CMIP: variants seen among roughly 807,000 people sequenced by gnomAD.
The protein encoded by CMIP is C-Maf-inducing protein.
In CMIP, 13 loss-of-function variants were observed where a neutral mutation model predicts 97.3. That is an observed-to-expected ratio of 0.13 (90% CI 0.09 to 0.21). CMIP has a LOEUF of 0.21. Among genes scored for constraint, CMIP ranks in the 10% least tolerant of loss-of-function variants. The pLI is 1.00. For synonymous variants in CMIP, 538 were observed against 436.3 expected (o/e 1.23, Z -2.91); for missense variants, 847 against 1,024.9 (o/e 0.83, Z 2.37).
chr16:81,515,837 A>G (rs77104454), intron 1 of CMIP, among the ~76,000 whole-genome samples: 2,648 of 152,184 alleles, frequency 0.017, 38 homozygotes, highest in Middle Eastern at 0.034. Context: ...AGGAGCTGCT[A>G]GGAGGTTGGA....
intron 1 of CMIP, among the ~76,000 whole-genome samples, chr16:81,465,233 G>A (rs943268045): frequency 2.6e-5 from 4 of 152,224 alleles, no homozygotes; most frequent in African/African-American, 9.6e-5. Context: ...TTTGTAGGGT[G>A]TTCATTTGCA....
chr16:81,634,001 C>G (rs1218470394), intron 3 of CMIP, among the ~76,000 whole-genome samples: 1 of 152,184 alleles, frequency 6.6e-6, no homozygotes, highest in Non-Finnish European at 1.5e-5. Flanking sequence ...CACTGCAGAC[C>G]CAGGGATTTT....
At chr16:81,664,174 C>A in intron 6 of CMIP, 95 bp from the exon 7 acceptor site, 1 of 1,213,656 alleles carries the variant, frequency 8.2e-7, no homozygotes, top group Middle Eastern at 2.0e-4. Flanking sequence ...CAGGCACCCA[C>A]AGCTGGGCTG....
intron 3 of CMIP, among the ~76,000 whole-genome samples, chr16:81,650,908 C>T (rs1012146280): frequency 1.3e-5 from 2 of 152,130 alleles, no homozygotes; most frequent in Non-Finnish European, 2.9e-5. Flanking sequence ...TGTGCCTCAC[C>T]GACAGAAGTA....
Position 81,528,953 on chromosome 16 carries a change from G to A in CMIP, c.301-78614G>A, listed in dbSNP as rs555728235. The stretch of plus-strand genomic sequence containing the variant: ...TGCCTACCAGTCCATGCACCCACCC[G>A]TCCATCCACCCACCCATCCCTCCAT... On this transcript the variant is annotated intron_variant, in intron 1 of 20. Transcript: ENST00000537098. Among the ~76,000 whole-genome samples, 74 of 151,316 alleles carry A rather than the reference G, an allele frequency of 4.9e-4. No individual in the cohort carries two copies. The South Asian group carries it at 0.011, about 22-fold the overall frequency.
chr16:81,654,463 A>G (rs1226324459), intron 4 of CMIP, among the ~76,000 whole-genome samples: 2 of 152,224 alleles, frequency 1.3e-5, no homozygotes, highest in African/African-American at 4.8e-5. Flanking sequence ...GAATAAAGAT[A>G]TTTAAAGTAG....
Position 81,711,400 on chromosome 16 carries a change from G to C in CMIP, c.*1601G>C, listed in dbSNP as rs900489342. 6.6e-6 allele frequency: 1 copy of C among 151,762 alleles called. No homozygotes were observed. The highest frequency in any genetic ancestry group is 2.4e-5 in the African/African-American group (1 of 41,236). 9.4% of individuals were successfully genotyped at this position (151,762 alleles called of 1,614,324 possible). A position where few individuals can be genotyped will look rare whatever the true frequency, so the allele number is the denominator to read the frequency against. ...AAAAAAGGAAAAAAAAAAGAAACTGGGTTCCAGTCTTAATTCATTTTCCGT... is the reference window on the plus strand; with the variant it reads ...AAAAAAGGAAAAAAAAAAGAAACTGCGTTCCAGTCTTAATTCATTTTCCGT... On this transcript the variant is annotated 3_prime_UTR_variant, in exon 21 of 21. Transcript: ENST00000537098.
intron 1 of CMIP, among the ~76,000 whole-genome samples, chr16:81,564,316 C>A (rs1487953265): frequency 6.6e-6 from 1 of 152,180 alleles, no homozygotes; most frequent in Non-Finnish European, 1.5e-5. Flanking sequence ...TTGGAGGAGT[C>A]TCCGATGTCT....
At chr16:81,596,870 C>G (rs1244675680) in intron 1 of CMIP, among the ~76,000 whole-genome samples, 1 of 152,210 alleles carries the variant, frequency 6.6e-6, no homozygotes, top group East Asian at 1.9e-4. Context: ...GCACCTCTTT[C>G]TGAAGTTTGT....
At chr16:81,654,657 C>T (rs1394631032) in intron 4 of CMIP, among the ~76,000 whole-genome samples, 1 of 152,298 alleles carries the variant, frequency 6.6e-6, no homozygotes, top group African/African-American at 2.4e-5. Context: ...GCCCTTAGAC[C>T]TCCCCAGTTT....
rs954116693 is a variant in CMIP, at chr16:81,616,768, G to C, written c.427-4108G>C. Among the ~76,000 whole-genome samples, 3 of 152,234 alleles carry C rather than the reference G, an allele frequency of 2.0e-5. No homozygotes were observed. Among genetic ancestry groups the C allele is most frequent in the Non-Finnish European group, 4.4e-5 (3 of 68,034 alleles). ...CCAGATGGCTCTGCCTGGAAGGATGGGGCTGAGAAGAGACTGATGTGTAGC... is the reference window on the plus strand; with the variant it reads ...CCAGATGGCTCTGCCTGGAAGGATGCGGCTGAGAAGAGACTGATGTGTAGC... On this transcript the variant is annotated intron_variant, in intron 2 of 20. Transcript: ENST00000537098. This position sits in a 1 kb window ranked among gnomAD's most constrained non-coding sequence, Gnocchi z 4.7.
chr16:81,590,592 G>A (rs992227412), intron 1 of CMIP, among the ~76,000 whole-genome samples: 1 of 152,174 alleles, frequency 6.6e-6, no homozygotes, highest in East Asian at 1.9e-4. Context: ...TTGTCCTCTG[G>A]GAAATTTCTG....
At chr16:81,579,380 G>T (rs1427809799) in intron 1 of CMIP, among the ~76,000 whole-genome samples, 1 of 152,150 alleles carries the variant, frequency 6.6e-6, no homozygotes, top group South Asian at 2.1e-4. Flanking sequence ...CACAAATCCA[G>T]CCCCTTCCTC....
At chr16:81,696,487 G>A in intron 13 of CMIP, 73 bp from the exon 14 acceptor site, 1 of 1,421,258 alleles carries the variant, frequency 7.0e-7, no homozygotes, top group Non-Finnish European at 9.6e-7. Flanking sequence ...TCCCATTCAT[G>A]TGTGCAGATC....
At chr16:81,677,553 G>C (rs554017048) in intron 9 of CMIP, among the ~76,000 whole-genome samples, 1 of 152,212 alleles carries the variant, frequency 6.6e-6, no homozygotes, top group Admixed American at 6.5e-5. Context: ...ACCAGGTCAA[G>C]GCTCTGACAA....
At chr16:81,693,334 C>G (rs760309438) in intron 12 of CMIP, 105 bp from the exon 13 acceptor site, 24 of 1,496,092 alleles carry the variant, frequency 1.6e-5, no homozygotes, top group Non-Finnish European at 2.0e-5. Flanking sequence ...ACCGCCTTGC[C>G]CAGCTCCCTG....
At chr16:81,607,500 G>A in intron 1 of CMIP, 67 bp from the exon 2 acceptor site, 1 of 1,585,378 alleles carries the variant, frequency 6.3e-7, no homozygotes. Flanking sequence ...AAAACCGTCT[G>A]AGATGCGGAC....
intron 1 of CMIP, among the ~76,000 whole-genome samples, chr16:81,542,636 G>T (rs953476371): frequency 3.3e-5 from 5 of 152,192 alleles, no homozygotes; most frequent in Non-Finnish European, 5.9e-5. Context: ...TCAAGGTGCT[G>T]GCCTGGCTGG....
intron 10 of CMIP, among the ~76,000 whole-genome samples, chr16:81,687,196 A>C (rs527412706): frequency 1.3e-5 from 2 of 152,062 alleles, no homozygotes; most frequent in Admixed American, 1.3e-4. Flanking sequence ...TGTGTTCAGC[A>C]GTCCCCTCCC....
Sources: gnomAD v4.1 joint callset for allele counts (sites outside exome capture counted in the v4.1 genomes callset) on GRCh38, gnomAD v4.1.1 for gene constraint, Gnocchi (gnomAD v3.1) non-coding constraint, MANE v1.5 for transcripts, NCBI Gene and HGNC (gene_info 2026-07-23, HGNC 2026-07-21) for gene names.